The following BRD4 variants were observed in gnomAD, a reference collection of about 807,000 sequenced individuals.
BRD4 encodes bromodomain containing 4.
A neutral mutation model predicts 142.1 loss-of-function variants in BRD4; 16 were observed. The observed-to-expected ratio is 0.11, with a 90% CI of 0.08 to 0.17. The LOEUF (loss-of-function observed/expected upper bound fraction) is 0.17. Ranked by LOEUF, BRD4 falls within the 10% of genes least tolerant of loss-of-function variation. BRD4 has a pLI of 1.00. For missense variants in BRD4, 1,424 were observed against 1,810.9 expected, an observed-to-expected ratio of 0.79 and a Z score of 3.88; for synonymous variants, 833 against 707.5, an observed-to-expected ratio of 1.18 and a Z score of -2.82.
Position 15,278,562 on chromosome 19 carries a change from AAAG to A in BRD4, c.-34-5432_-34-5430del, listed in dbSNP as rs1161831130. 3.3e-5 allele frequency among the ~76,000 whole-genome samples: 5 copies of A among 151,186 alleles called. No individual in the cohort carries two copies. In the East Asian group the frequency reaches 5.8e-4, roughly 18 times the overall value. ...CCCCGCCAAAAAAAAAAAAAAAAAA[AAAG>A]AAATAACTATGGTTATGTAAGAATA... On this transcript the variant is annotated intron_variant, in intron 1 of 19. Transcript: ENST00000679869.
chr19:15,315,719 G>C (rs956475122), intron 1 of BRD4, among the ~76,000 whole-genome samples: 1 of 151,714 alleles, frequency 6.6e-6, no homozygotes, highest in African/African-American at 2.4e-5. Flanking sequence ...AGCCGGGCGT[G>C]GTGGCCGGCG....
At chr19:15,320,506 T>C (rs2048052414) in intron 1 of BRD4, among the ~76,000 whole-genome samples, 1 of 152,244 alleles carries the variant, frequency 6.6e-6, no homozygotes, top group Non-Finnish European at 1.5e-5. Context: ...TTGTTATTTA[T>C]ATGGAAGAGA....
chr19:15,266,899 C>G (rs927163230), intron 4 of BRD4, among the ~76,000 whole-genome samples: 3 of 152,180 alleles, frequency 2.0e-5, no homozygotes, highest in African/African-American at 7.2e-5. Context: ...CCCTGGAACC[C>G]TGTGTCAGTT....
At chr19:15,319,037 T>A (rs1325298029) in intron 1 of BRD4, among the ~76,000 whole-genome samples, 1 of 152,174 alleles carries the variant, frequency 6.6e-6, no homozygotes, top group East Asian at 1.9e-4. Context: ...AAAAGTAAGA[T>A]ACATGTGAAA....
intron 1 of BRD4, among the ~76,000 whole-genome samples, chr19:15,286,443 A>G (rs1371432097): frequency 6.6e-6 from 1 of 152,232 alleles, no homozygotes; most frequent in African/African-American, 2.4e-5. Flanking sequence ...GGAGGAAGTG[A>G]AACTCCATAC....
chr19:15,310,085 A>T (rs2047953612), intron 1 of BRD4, among the ~76,000 whole-genome samples: 3 of 152,108 alleles, frequency 2.0e-5, no homozygotes, highest in Admixed American at 2.0e-4. Flanking sequence ...TTTCAAGGTG[A>T]CATCAAGACA....
intron 1 of BRD4, among the ~76,000 whole-genome samples, chr19:15,331,591 G>C (rs747978103): frequency 2.0e-5 from 3 of 152,198 alleles, no homozygotes; most frequent in Non-Finnish European, 4.4e-5. Flanking sequence ...CCTCAGACCG[G>C]CGTGCAGCCG....
intron 11 of BRD4, among the ~76,000 whole-genome samples, chr19:15,251,584 T>G (rs761687438): frequency 6.6e-6 from 1 of 151,992 alleles, no homozygotes; most frequent in Non-Finnish European, 1.5e-5. Context: ...GCTGCCGGGA[T>G]TCCTGGACCC....
chr19:15,240,045 T>C (rs1380335871), intron 14 of BRD4, 23 bp from the exon 15 acceptor site: 2 of 1,596,468 alleles, frequency 1.3e-6, no homozygotes, highest in South Asian at 1.1e-5. Context: ...ACAAGGAATG[T>C]GTCAAGGGGC....
Position 15,236,062 on chromosome 19 carries a change from G to T in BRD4, c.*2315C>A, listed in dbSNP as rs1410838217. 6.6e-6 allele frequency: 1 copy of T among 152,262 alleles called. No individual in the cohort carries two copies. The highest frequency in any genetic ancestry group is 2.4e-5 in the African/African-American group (1 of 41,464). The allele number at this position is 152,262 out of a possible 1,614,324, so 9.4% of individuals were successfully genotyped here. A position where few individuals can be genotyped will look rare whatever the true frequency, so the allele number is the denominator to read the frequency against. ...TGCCTGAGTGGGCATGGACATCGAA[G>T]AAGTGGGGGGACCTCTGGCTGGATG... On this transcript the variant is annotated 3_prime_UTR_variant, in exon 20 of 20. Transcript: ENST00000679869.
At chr19:15,251,626 C>T (rs565099263) in intron 11 of BRD4, among the ~76,000 whole-genome samples, 298 of 152,174 alleles carry the variant, frequency 2.0e-3, no homozygotes, top group African/African-American at 6.8e-3. Context: ...GCTACGCCCC[C>T]TCTGCCCCCC....
intron 11 of BRD4, among the ~76,000 whole-genome samples, chr19:15,251,693 G>A (rs1285926780): frequency 1.3e-5 from 2 of 152,176 alleles, no homozygotes; most frequent in Admixed American, 6.5e-5. Context: ...GTATTTACTG[G>A]TGCCAGGGTG....
intron 7 of BRD4, among the ~76,000 whole-genome samples, chr19:15,259,822 G>A (rs1029616521): frequency 6.6e-6 from 1 of 152,230 alleles, no homozygotes; most frequent in African/African-American, 2.4e-5. Context: ...ATGAACACAT[G>A]GGCAGCAAGG....
intron 3 of BRD4, 58 bp from the exon 4 acceptor site, chr19:15,267,609 AC>A: frequency 6.3e-7 from 1 of 1,576,570 alleles, no homozygotes; most frequent in East Asian, 2.2e-5. Context: ...ACCTCTGTAG[AC>A]AGGGCACCCC....
At chr19:15,282,612 T>C (rs1438078229) in intron 1 of BRD4, among the ~76,000 whole-genome samples, 1 of 152,240 alleles carries the variant, frequency 6.6e-6, no homozygotes, top group Non-Finnish European at 1.5e-5. Flanking sequence ...AAGATTATGA[T>C]AGAAATGTCA....
chr19:15,289,907 G>A (rs2047768939), intron 1 of BRD4, among the ~76,000 whole-genome samples: 1 of 152,230 alleles, frequency 6.6e-6, no homozygotes, highest in Non-Finnish European at 1.5e-5. Flanking sequence ...GGGTGCTACA[G>A]GGCTCTCAGC....
Position 15,237,017 on chromosome 19 carries a change from T to TTA in BRD4, c.*1359_*1360insTA, listed in dbSNP as rs935898556. On this transcript the variant is annotated 3_prime_UTR_variant, in exon 20 of 20. Coordinates refer to ENST00000679869, the MANE Select transcript of BRD4 (RefSeq NM_001379291.1). ...CACCAGGGGCTCCAATTATAAAAAT[T>TTA]AAAAAAAAAAAAAAAAAAAAGCATG... The TTA allele has an allele frequency of 1.1e-4, 13 of 119,442 alleles. No individual in the cohort carries two copies. Among genetic ancestry groups the TTA allele is most frequent in the Middle Eastern group, 2.6e-3 (1 of 390 alleles). 7.4% of individuals were successfully genotyped at this position (119,442 alleles called of 1,614,324 possible).
At chr19:15,317,262 A>G (rs2145723356) in intron 1 of BRD4, among the ~76,000 whole-genome samples, 1 of 152,356 alleles carries the variant, frequency 6.6e-6, no homozygotes, top group Admixed American at 6.5e-5. Flanking sequence ...AGGAATGCGT[A>G]GAGGCTTAGA....
At chr19:15,250,510 C>A (rs1383848986) in intron 11 of BRD4, among the ~76,000 whole-genome samples, 1 of 152,194 alleles carries the variant, frequency 6.6e-6, no homozygotes, top group Non-Finnish European at 1.5e-5. Context: ...TCCCCTGGAG[C>A]TATTAAGAAA....
Sources: allele counts gnomAD v4.1 joint callset (sites outside exome capture counted in the v4.1 genomes callset), GRCh38; gene constraint gnomAD v4.1.1; transcripts MANE v1.5; gene names NCBI Gene and HGNC (gene_info 2026-07-23, HGNC 2026-07-21).